The following SLC24A3 variants were observed in gnomAD, a reference collection of about 807,000 sequenced individuals.
The protein encoded by SLC24A3 is solute carrier family 24 member 3, also known as sodium/potassium/calcium exchanger 3.
A neutral mutation model predicts 75.8 loss-of-function variants in SLC24A3; 28 were observed. The observed-to-expected ratio is 0.37, with a 90% CI of 0.27 to 0.51. The LOEUF is 0.51. Ranked by LOEUF, SLC24A3 falls within the 20% of genes least tolerant of loss-of-function variation. The pLI is 0.94. For synonymous variants in SLC24A3, 372 were observed against 334.1 expected (o/e 1.11, Z -1.24); for missense variants, 663 against 847.8 (o/e 0.78, Z 2.71).
chr20:19,509,777 G>A (rs760133635), intron 2 of SLC24A3, among the ~76,000 whole-genome samples: 8 of 152,208 alleles, frequency 5.3e-5, no homozygotes, highest in Non-Finnish European at 1.2e-4. Flanking sequence ...TACTGTGTTT[G>A]GACCAGAGGC....
intron 2 of SLC24A3, among the ~76,000 whole-genome samples, chr20:19,459,954 G>A (rs1037120127): frequency 2.0e-5 from 3 of 152,194 alleles, no homozygotes; most frequent in Admixed American, 2.0e-4. Context: ...TTATGACACA[G>A]TAGGTCTGGA....
At position 19,292,704 on chromosome 20, in the gene SLC24A3, A is replaced by G. The variant is rs548678232; in HGVS notation, c.271+11617A>G. 1.1e-4 allele frequency among the ~76,000 whole-genome samples: 16 copies of G among 152,324 alleles called. No homozygotes were observed. In the East Asian group the frequency reaches 2.9e-3, roughly 28 times the overall value. ...GAAGCAGGTGGGAAAGGAGGGTTTG[A>G]TCTGCACTTGACTGACCTTCTTGTC... On this transcript the variant is annotated intron_variant, in intron 2 of 16. Coordinates refer to ENST00000328041, the MANE Select transcript of SLC24A3 (RefSeq NM_020689.4).
chr20:19,442,114 C>T (rs1432781558), intron 2 of SLC24A3, among the ~76,000 whole-genome samples: 1 of 152,174 alleles, frequency 6.6e-6, no homozygotes, highest in Non-Finnish European at 1.5e-5. Context: ...TACTGAAGAA[C>T]ATCTTGGTTT....
At chr20:19,215,387 C>G (rs546083859) in intron 1 of SLC24A3, among the ~76,000 whole-genome samples, 47 of 152,232 alleles carry the variant, frequency 3.1e-4, no homozygotes, top group Non-Finnish European at 4.0e-4. Context: ...TTTTTGTTCC[C>G]TACTCTGTCC....
Position 19,256,768 on chromosome 20 carries a change from CAA to C in SLC24A3, c.143-24172_143-24171del, listed in dbSNP as rs11475395. On this transcript the variant is annotated intron_variant, in intron 1 of 16. Coordinates refer to ENST00000328041, the MANE Select transcript of SLC24A3 (RefSeq NM_020689.4). ...TGGGTAACAGAGCAAGACGTTGTCTCAAAAAAAAAAAAAAAAAAAAGAGAATT... is the reference window on the plus strand; with the variant it reads ...TGGGTAACAGAGCAAGACGTTGTCTCAAAAAAAAAAAAAAAAAAGAGAATT... Among the ~76,000 whole-genome samples the C allele has an allele frequency of 8.0e-3, 640 of 80,278 alleles. 5 individuals carry two copies. The South Asian group carries it at 0.091, about 11-fold the overall frequency. The allele number at this position is 80,278 out of a possible 152,430, so 52.7% of individuals were successfully genotyped here.
intron 2 of SLC24A3, among the ~76,000 whole-genome samples, chr20:19,355,726 C>T (rs377231951): frequency 3.9e-5 from 6 of 152,244 alleles, no homozygotes; most frequent in East Asian, 1.9e-4. Flanking sequence ...CTTCTTTATC[C>T]GCACATTAGT....
At chr20:19,673,459 A>G (rs2032491427) in intron 8 of SLC24A3, 142 bp from the exon 9 acceptor site, 1 of 681,522 alleles carries the variant, frequency 1.5e-6, no homozygotes, top group Non-Finnish European at 2.6e-6. Context: ...ATGTCTCTAG[A>G]CCAGGAAATA....
At chr20:19,422,770 G>A (rs1159158528) in intron 2 of SLC24A3, among the ~76,000 whole-genome samples, 2 of 152,198 alleles carry the variant, frequency 1.3e-5, no homozygotes, top group Non-Finnish European at 2.9e-5. Flanking sequence ...TTGCAAGAAA[G>A]TATTATTTTA....
chr20:19,280,730 A>G lies in SLC24A3; in HGVS notation c.143-229A>G, dbSNP rs183402700. Among the ~76,000 whole-genome samples, 277 of 152,314 alleles carry G rather than the reference A, an allele frequency of 1.8e-3. 2 individuals carry two copies. The highest frequency in any genetic ancestry group is 6.3e-3 in the African/African-American group (263 of 41,568). ...TATCAAGAGAGTTACACAGTAGACA[A>G]CTGGAGCTTGATCCCACTGGGAAGA... On this transcript the variant is annotated intron_variant, in intron 1 of 16. Coordinates refer to ENST00000328041, the MANE Select transcript of SLC24A3 (RefSeq NM_020689.4).
At chr20:19,277,215 T>C (rs1351117550) in intron 1 of SLC24A3, among the ~76,000 whole-genome samples, 2 of 152,224 alleles carry the variant, frequency 1.3e-5, no homozygotes, top group African/African-American at 4.8e-5. Flanking sequence ...TTGGGCAAGA[T>C]ATTTAACCTC....
At chr20:19,511,795 G>A (rs1180374170) in intron 2 of SLC24A3, among the ~76,000 whole-genome samples, 1 of 152,218 alleles carries the variant, frequency 6.6e-6, no homozygotes, top group Non-Finnish European at 1.5e-5. Context: ...CGTGTTTTCT[G>A]AGAGGAGCTG....
intron 2 of SLC24A3, among the ~76,000 whole-genome samples, chr20:19,330,323 C>A (rs932387169): frequency 1.3e-4 from 20 of 152,128 alleles, no homozygotes; most frequent in African/African-American, 4.8e-4. Flanking sequence ...GTGGCTGAGC[C>A]AATTAAATGG....
chr20:19,557,529 C>G (rs1356584234), intron 3 of SLC24A3, among the ~76,000 whole-genome samples: 1 of 151,936 alleles, frequency 6.6e-6, no homozygotes. Context: ...CAAAACCACC[C>G]TAAGTGTGGG....
chr20:19,685,083 C>T lies in SLC24A3; in HGVS notation c.1063-17C>T, dbSNP rs373113550. On this transcript the variant is annotated splice_polypyrimidine_tract_variant and intron_variant, in intron 11 of 16. Coordinates refer to ENST00000328041, the MANE Select transcript of SLC24A3 (RefSeq NM_020689.4). ...AATCCCTCTGACCGTGGTAAGAGTG[C>T]GCCTTTCTCTTTCCAGAGACAAAGA... 6.4e-5 allele frequency: 102 copies of T among 1,589,404 alleles called. 1 individual carries two copies. The East Asian group carries it at 9.0e-4, about 14-fold the overall frequency.
chr20:19,457,935 A>C (rs1237829135), intron 2 of SLC24A3, among the ~76,000 whole-genome samples: 1 of 152,196 alleles, frequency 6.6e-6, no homozygotes, highest in Non-Finnish European at 1.5e-5. Flanking sequence ...AGGTGGCCCC[A>C]GGTGAATCAC....
chr20:19,430,608 G>T (rs1020006038), intron 2 of SLC24A3, among the ~76,000 whole-genome samples: 6 of 152,162 alleles, frequency 3.9e-5, no homozygotes, highest in Non-Finnish European at 8.8e-5. Flanking sequence ...AAATGCAGCT[G>T]ATCCACACTA....
intron 6 of SLC24A3, among the ~76,000 whole-genome samples, chr20:19,646,606 C>T (rs575771211): frequency 1.3e-4 from 20 of 152,266 alleles, no homozygotes; most frequent in African/African-American, 4.6e-4. Flanking sequence ...TAGGAAAGTG[C>T]ACCTGTCCTA....
intron 6 of SLC24A3, among the ~76,000 whole-genome samples, chr20:19,649,990 G>A (rs1731201036): frequency 2.0e-5 from 3 of 152,158 alleles, no homozygotes; most frequent in Admixed American, 2.0e-4. Context: ...TGCTTTTGTG[G>A]TGAATGGTGG....
chr20:19,240,377 C>T (rs760507452), intron 1 of SLC24A3, among the ~76,000 whole-genome samples: 1 of 152,212 alleles, frequency 6.6e-6, no homozygotes, highest in Non-Finnish European at 1.5e-5. Context: ...AGAAGTAGCT[C>T]TGAATTGTGA....
Sources: allele counts gnomAD v4.1 joint callset (sites outside exome capture counted in the v4.1 genomes callset), GRCh38; gene constraint gnomAD v4.1.1; transcripts MANE v1.5; gene names NCBI Gene and HGNC (gene_info 2026-07-23, HGNC 2026-07-21).